Variants in DCC observed in about 807,000 individuals in gnomAD.
DCC encodes DCC netrin 1 receptor.
Under a neutral mutation model 172.5 loss-of-function variants are expected in DCC, and 58 were observed. The ratio of observed to expected loss-of-function variants is 0.34; its 90% CI spans 0.27 to 0.42. DCC has a LOEUF of 0.42. DCC is among the 10% of genes least tolerant of loss of function. The pLI, the probability that DCC is intolerant of heterozygous loss-of-function variation, is 1.00. For missense variants in DCC, 1,740 were observed against 1,791.0 expected (o/e 0.97, Z 0.51); for synonymous variants, 709 against 644.5 (o/e 1.10, Z -1.52).
intron 1 of DCC, among the ~76,000 whole-genome samples, chr18:52,557,473 G>A (rs1026387143): frequency 4.6e-5 from 7 of 152,152 alleles, no homozygotes; most frequent in African/African-American, 1.2e-4. Flanking sequence ...GATCCTTGGG[G>A]TTGTTATATA....
At chr18:53,310,182 G>A (rs980438410) in intron 13 of DCC, among the ~76,000 whole-genome samples, 7 of 151,894 alleles carry the variant, frequency 4.6e-5, no homozygotes, top group African/African-American at 9.7e-5. Flanking sequence ...ACCAGGGAGC[G>A]CTACATACTT....
At position 53,023,354 on chromosome 18, in the gene DCC, AAAAT is replaced by A. The variant is rs1478322484; in HGVS notation, c.986-39947_986-39944del. Among the ~76,000 whole-genome samples the A allele has an allele frequency of 3.3e-3, 495 of 148,180 alleles. 5 individuals are homozygous for A. Among genetic ancestry groups the A allele is most frequent in the Admixed American group, 0.018 (270 of 14,632 alleles). ...AGTATAATAAAAAAAAAACATAAAA[AAAAT>A]AAAAATAAAAATAAAAAGGACAAAC... On this transcript the variant is annotated intron_variant, in intron 5 of 28. Coordinates refer to ENST00000442544, the MANE Select transcript of DCC (RefSeq NM_005215.4).
At chr18:52,721,418 T>C (rs1022306532) in intron 1 of DCC, among the ~76,000 whole-genome samples, 3 of 152,298 alleles carry the variant, frequency 2.0e-5, no homozygotes, top group African/African-American at 7.2e-5. Flanking sequence ...CAGTGAGGGG[T>C]TACAGTTCTG....
At chr18:52,793,547 G>A (rs181702709) in intron 2 of DCC, among the ~76,000 whole-genome samples, 1 of 152,252 alleles carries the variant, frequency 6.6e-6, no homozygotes, top group Admixed American at 6.5e-5. Context: ...TGAATCCCTA[G>A]TCAGATGAAT....
intron 1 of DCC, among the ~76,000 whole-genome samples, chr18:52,656,094 A>G (rs528226237): frequency 9.6e-5 from 14 of 145,212 alleles, no homozygotes; most frequent in Admixed American, 2.8e-4. Context: ...GTGTGTGTGT[A>G]TATATATATA....
chr18:53,406,731 A>AAAAAAAAAAAAAAT (rs1909688157), intron 19 of DCC, among the ~76,000 whole-genome samples: 1 of 55,726 alleles, frequency 1.8e-5, no homozygotes, highest in Non-Finnish European at 7.0e-5. Flanking sequence ...GAAAGAAAAA[A>AAAAAAAAAAAAAAT]GAAAAAAAGT....
At chr18:53,241,601 C>T (rs944941387) in intron 12 of DCC, among the ~76,000 whole-genome samples, 6 of 152,132 alleles carry the variant, frequency 3.9e-5, no homozygotes, top group African/African-American at 1.4e-4. Context: ...TCTGCTTCCG[C>T]CATAAAGAGA....
At chr18:53,300,466 T>G (rs986207983) in intron 12 of DCC, among the ~76,000 whole-genome samples, 6 of 152,140 alleles carry the variant, frequency 3.9e-5, no homozygotes, top group African/African-American at 1.4e-4. Context: ...CAGAGTGGAG[T>G]GCTGAAGCAC....
chr18:53,240,051 C>CAA (rs1247730660), intron 12 of DCC, among the ~76,000 whole-genome samples: 2 of 108,908 alleles, frequency 1.8e-5, no homozygotes, highest in Admixed American at 8.4e-5. Flanking sequence ...AAAAAAAAAA[C>CAA]AACAAAACAC....
intron 1 of DCC, among the ~76,000 whole-genome samples, chr18:52,748,035 C>T (rs184430309): frequency 6.6e-6 from 1 of 152,198 alleles, no homozygotes; most frequent in African/African-American, 2.4e-5. Flanking sequence ...GCGGTCGGCT[C>T]GTGCTACGAC....
intron 21 of DCC, among the ~76,000 whole-genome samples, chr18:53,428,085 A>G (rs1468751301): frequency 1.2e-4 from 2 of 17,056 alleles, no homozygotes; most frequent in African/African-American, 3.9e-4. Flanking sequence ...ATATATTATA[A>G]TAATATATAA....
intron 5 of DCC, among the ~76,000 whole-genome samples, chr18:52,984,105 G>A (rs2041254115): frequency 6.6e-6 from 1 of 152,008 alleles, no homozygotes; most frequent in Non-Finnish European, 1.5e-5. Context: ...TGTCTCAAAT[G>A]TCTATAAATA....
At chr18:52,510,684 T>C (rs1314185442) in intron 1 of DCC, among the ~76,000 whole-genome samples, 1 of 152,162 alleles carries the variant, frequency 6.6e-6, no homozygotes, top group Non-Finnish European at 1.5e-5. Context: ...TTAACAACAA[T>C]ATATTTTTGT....
intron 12 of DCC, among the ~76,000 whole-genome samples, chr18:53,224,405 G>A (rs559414832): frequency 6.6e-6 from 1 of 152,178 alleles, no homozygotes; most frequent in Non-Finnish European, 1.5e-5. Flanking sequence ...ATCTGGCGGG[G>A]CTTTGTAGGG....
intron 5 of DCC, among the ~76,000 whole-genome samples, chr18:52,940,329 C>T (rs912161981): frequency 3.9e-5 from 6 of 152,066 alleles, no homozygotes; most frequent in African/African-American, 1.4e-4. Context: ...AGTAAGAAGT[C>T]AGAGTAGGGG....
At chr18:53,378,361 T>G (rs1421230798) in intron 15 of DCC, among the ~76,000 whole-genome samples, 1 of 152,148 alleles carries the variant, frequency 6.6e-6, no homozygotes, top group Non-Finnish European at 1.5e-5. Context: ...AGAGAGCTTA[T>G]AAAATACATA....
intron 2 of DCC, among the ~76,000 whole-genome samples, chr18:52,880,926 G>A (rs1420654041): frequency 3.9e-5 from 6 of 151,974 alleles, no homozygotes; most frequent in African/African-American, 1.4e-4. Context: ...AGTTTTTTGA[G>A]GAACCCACAA....
At chr18:52,974,383 T>A (rs2041079230) in intron 5 of DCC, among the ~76,000 whole-genome samples, 1 of 152,196 alleles carries the variant, frequency 6.6e-6, no homozygotes, top group African/African-American at 2.4e-5. Flanking sequence ...AAGCTATTAA[T>A]GAAATGTTGA....
chr18:52,509,439 A>T (rs1030464896), intron 1 of DCC, among the ~76,000 whole-genome samples: 1 of 152,234 alleles, frequency 6.6e-6, no homozygotes, highest in Admixed American at 6.5e-5. Flanking sequence ...GACAGCACTG[A>T]TTTGACCATG....
Sources: allele counts gnomAD v4.1 joint callset (sites outside exome capture counted in the v4.1 genomes callset), GRCh38; gene constraint gnomAD v4.1.1; transcripts MANE v1.5; gene names NCBI Gene and HGNC (gene_info 2026-07-23, HGNC 2026-07-21).